CDK5RAP2: variants seen among roughly 807,000 people sequenced by gnomAD.
The protein encoded by CDK5RAP2 is CDK5 regulatory subunit-associated protein 2.
CDK5RAP2 carries 147 observed loss-of-function variants against 232.9 expected under a neutral mutation model. That is an observed-to-expected ratio of 0.63 (90% confidence interval 0.55 to 0.72). The LOEUF is 0.72. Ranked by LOEUF, CDK5RAP2 falls within the 30% of genes least tolerant of loss-of-function variation. The pLI is 0.00. For missense variants in CDK5RAP2, 2,195 were observed against 2,231.5 expected, an observed-to-expected ratio of 0.98 and a Z score of 0.33; for synonymous variants, 833 against 833.7, an observed-to-expected ratio of 1.00 and a Z score of 0.01.
At position 120,403,154 on chromosome 9, in the gene CDK5RAP2, G is replaced by T; in HGVS notation, c.5042-83C>A. 1 of 1,490,490 alleles carries T rather than the reference G, an allele frequency of 6.7e-7. No homozygotes were observed. The allele number at this position is 1,490,490 out of a possible 1,614,324, so 92.3% of individuals were successfully genotyped here. A position where few individuals can be genotyped will look rare whatever the true frequency, so the allele number is the denominator to read the frequency against. ...CGCTTATGATGTTGAAGCTAGCTAG[G>T]AGGGCTAGAAGAGGCCCTCGTGCCC... On this transcript the variant is annotated intron_variant, in intron 33 of 37. Coordinates refer to ENST00000349780, the MANE Select transcript of CDK5RAP2 (RefSeq NM_018249.6). The surrounding 1 kb of genome is among the most constrained non-coding windows in gnomAD (Gnocchi z 4.2).
chr9:120,437,584 C>T (rs1044892473), intron 24 of CDK5RAP2, 57 bp from the exon 25 acceptor site: 2 of 1,251,708 alleles, frequency 1.6e-6, no homozygotes, highest in East Asian at 4.6e-5. Flanking sequence ...ATTTTTGTGA[C>T]CTTAACACTA....
rs2032943994 is a variant in CDK5RAP2 at position 120,400,837 on chromosome 9, C to T, written c.5356G>A (p.Ala1786Thr). Residue 1786 changes from alanine (A) to threonine (T), a missense_variant, in exon 35 of 38, where the codon GCC becomes ACC. Transcript: ENST00000349780. ...TAGGCCTCTTCCAGGGTCAGCTTGG[C>T]CGTGCTCACACTGCTCACAAACTTG... is the stretch of plus-strand genomic sequence containing the variant. Reference protein sequence around the residue: ...LSKFVSSVSTAKLTLEEAYRR... With the variant: ...LSKFVSSVSTTKLTLEEAYRR... 1 of 1,614,148 alleles carries T rather than the reference C, an allele frequency of 6.2e-7. No individual in the cohort carries two copies. Among genetic ancestry groups the T allele is most frequent in the East Asian group, 2.2e-5 (1 of 44,884 alleles).
intron 11 of CDK5RAP2, among the ~76,000 whole-genome samples, chr9:120,523,747 T>C (rs940738782): frequency 6.6e-6 from 1 of 152,238 alleles, no homozygotes; most frequent in African/African-American, 2.4e-5. Context: ...ACTTTGATGA[T>C]AAAACTGTAT....
intron 18 of CDK5RAP2, 166 bp from the exon 19 acceptor site, chr9:120,460,833 T>TGCTCTCCCTCTCCCTC: frequency 8.5e-7 from 1 of 1,173,190 alleles, no homozygotes; most frequent in Non-Finnish European, 1.2e-6. Context: ...TTAACCAAGG[T>TGCTCTCCCTCTCCCTC]TAGAGTTGCT....
chr9:120,479,981 T>A (rs1459486231), intron 14 of CDK5RAP2, among the ~76,000 whole-genome samples: 1 of 152,208 alleles, frequency 6.6e-6, no homozygotes, highest in African/African-American at 2.4e-5. Context: ...GGCTTCACAT[T>A]GGCAACTTTC....
chr9:120,528,764 T>C lies in CDK5RAP2; in HGVS notation c.859A>G (p.Ser287Gly). The change falls in exon 9 of 38, where the codon AGC (serine) becomes GGC (glycine). Residue 287 changes from serine to glycine, a missense_variant. By Grantham distance (56) the Ser-to-Gly change is moderately conservative. Transcript: ENST00000349780. Reference sequence around the variant, plus strand: ...CATACCTGGATCCTCTCTTCAAAGCTGTTTCTCTCCTTCTGATGCTCCATT... The same window carrying C: ...CATACCTGGATCCTCTCTTCAAAGCCGTTTCTCTCCTTCTGATGCTCCATT... ...AQMEHQKERN[S>G]FEERIQALEE... The C allele has an allele frequency of 6.2e-7, 1 of 1,608,860 alleles. No homozygotes were observed. The highest frequency in any genetic ancestry group is 8.5e-7 in the Non-Finnish European group (1 of 1,175,110).
intron 26 of CDK5RAP2, 59 bp from the exon 27 acceptor site, chr9:120,420,019 T>C: frequency 1.4e-6 from 2 of 1,383,550 alleles, no homozygotes; most frequent in South Asian, 1.2e-5. Context: ...AAGCCAGGAC[T>C]ATGACTTACG....
intron 18 of CDK5RAP2, among the ~76,000 whole-genome samples, chr9:120,462,773 CTCT>C (rs1209721074): frequency 6.6e-6 from 1 of 152,158 alleles, no homozygotes; most frequent in Non-Finnish European, 1.5e-5. Context: ...GACATGCAGG[CTCT>C]TGATAGGGGT....
intron 3 of CDK5RAP2, among the ~76,000 whole-genome samples, chr9:120,555,624 C>A (rs563143616): frequency 6.6e-6 from 1 of 152,304 alleles, no homozygotes; most frequent in Non-Finnish European, 1.5e-5. Flanking sequence ...CAAAATGGCA[C>A]AGACACTCTA....
chr9:120,574,245 A>C (rs1408605024), intron 1 of CDK5RAP2, among the ~76,000 whole-genome samples: 1 of 152,142 alleles, frequency 6.6e-6, no homozygotes, highest in East Asian at 1.9e-4. Flanking sequence ...CCACTTTTAA[A>C]ATGCTATGAA....
chr9:120,541,948 A>C (rs190309740), intron 5 of CDK5RAP2, among the ~76,000 whole-genome samples: 2 of 152,328 alleles, frequency 1.3e-5, no homozygotes, highest in Non-Finnish European at 2.9e-5. Context: ...CACCCAATAC[A>C]AGAAAGCCAG....
chr9:120,389,286 G>A lies in CDK5RAP2; in HGVS notation c.5632C>T (p.Pro1878Ser), dbSNP rs1419411365. The A allele has an allele frequency of 2.5e-6, 4 of 1,612,140 alleles. No individual in the cohort carries two copies. The highest frequency in any genetic ancestry group is 3.4e-6 in the Non-Finnish European group (4 of 1,178,986). The change falls in exon 38 of 38, where the codon CCT becomes TCT. Residue 1878 changes from proline to serine, a missense_variant. Physicochemically the swap from Pro to Ser is moderately conservative, Grantham distance 74. Transcript: ENST00000349780. ...RKARGNLELR[P>S]GGAHPGTCSP... ...CATGTTCCTGGATGGGCTCCCCCAG[G>A]CCTAAGCTAGGAAAAGGAAGAAAAA...
chr9:120,561,063 C>A (rs2042445965), intron 3 of CDK5RAP2, among the ~76,000 whole-genome samples: 1 of 152,004 alleles, frequency 6.6e-6, no homozygotes, highest in African/African-American at 2.4e-5. Context: ...TTTGAAAGTA[C>A]AAACACTGTT....
At chr9:120,511,735 C>CA (rs1554768567) in intron 12 of CDK5RAP2, among the ~76,000 whole-genome samples, 2 of 110,702 alleles carry the variant, frequency 1.8e-5, no homozygotes, top group Non-Finnish European at 3.7e-5. Flanking sequence ...TCACAACATG[C>CA]TTTTTTTTTT....
chr9:120,487,092 T>G (rs2038651444), intron 14 of CDK5RAP2, among the ~76,000 whole-genome samples: 1 of 152,204 alleles, frequency 6.6e-6, no homozygotes, highest in Non-Finnish European at 1.5e-5. Context: ...CTCAGTTTCG[T>G]GTGCAGTGCA....
At chr9:120,513,968 A>T (rs2131807624) in intron 12 of CDK5RAP2, among the ~76,000 whole-genome samples, 1 of 152,302 alleles carries the variant, frequency 6.6e-6, no homozygotes, top group Non-Finnish European at 1.5e-5. Flanking sequence ...CTAGCACCAT[A>T]ATGCAAAGAC....
Position 120,471,760 on chromosome 9 carries a change from G to A in CDK5RAP2, c.1846C>T (p.Arg616Trp), listed in dbSNP as rs148661503. 5.6e-5 allele frequency: 91 copies of A among 1,614,090 alleles called. No homozygotes were observed. Among genetic ancestry groups the A allele is most frequent in the African/African-American group, 2.3e-4 (17 of 75,044 alleles). The change falls in exon 16 of 38, where the codon CGG (arginine) becomes TGG (tryptophan). Residue 616 changes from arginine (R) to tryptophan (W), a missense_variant. Coordinates refer to ENST00000349780, the MANE Select transcript of CDK5RAP2 (RefSeq NM_018249.6). ...ATAAAGTGTGTACCTTCCCGCCTCC[G>A]AATTTCGCTGATCTGCTCCTCCAAG... Reference protein sequence around the residue: ...KTLEEQISEIRRREEESFSLY... With the variant: ...KTLEEQISEIWRREEESFSLY...
intron 34 of CDK5RAP2, chr9:120,401,125 A>G (rs1234953806): frequency 5.7e-6 from 3 of 524,828 alleles, no homozygotes; most frequent in Admixed American, 3.3e-5. Context: ...CACCATGGTT[A>G]ATAACCACCA....
At chr9:120,508,917 G>A (rs1044299189) in intron 12 of CDK5RAP2, among the ~76,000 whole-genome samples, 10 of 151,944 alleles carry the variant, frequency 6.6e-5, no homozygotes, top group Non-Finnish European at 1.3e-4. Flanking sequence ...GATTTTATTC[G>A]GTCCTGTACT....
Sources: gnomAD v4.1 joint callset for allele counts (sites outside exome capture counted in the v4.1 genomes callset) on GRCh38, gnomAD v4.1.1 for gene constraint, Gnocchi (gnomAD v3.1) non-coding constraint, MANE v1.5 for transcripts, NCBI Gene and HGNC (gene_info 2026-07-23, HGNC 2026-07-21) for gene names.